HYDIN: variants seen among roughly 807,000 people sequenced by gnomAD.
HYDIN encodes HYDIN axonemal central pair apparatus protein.
A neutral mutation model predicts 403.9 loss-of-function variants in HYDIN; 132 were observed. That is an observed-to-expected ratio of 0.33 (90% CI 0.28 to 0.38). The LOEUF (loss-of-function observed/expected upper bound fraction) is 0.38, where lower values mean the gene tolerates loss of function less well. Among genes scored for constraint, HYDIN ranks in the 10% least tolerant of loss-of-function variants. HYDIN has a pLI of 1.00. For missense variants in HYDIN, 2,827 were observed against 5,009.5 expected (o/e 0.56, Z 13.15); for synonymous variants, 1,202 against 1,891.7 (o/e 0.64, Z 9.46).
intron 18 of HYDIN, among the ~76,000 whole-genome samples, chr16:71,038,754 G>T (rs2081185041): frequency 6.6e-6 from 1 of 152,230 alleles, no homozygotes; most frequent in Non-Finnish European, 1.5e-5. Flanking sequence ...TCCGCCTCCT[G>T]GGTCCAAGCA....
intron 5 of HYDIN, among the ~76,000 whole-genome samples, chr16:71,174,673 T>A (rs564372716): frequency 3.9e-5 from 6 of 152,150 alleles, no homozygotes; most frequent in Admixed American, 1.3e-4. Flanking sequence ...ACCTGCTCCT[T>A]CTCTCCTAGA....
chr16:71,081,633 C>T (rs112693329), intron 12 of HYDIN, among the ~76,000 whole-genome samples: 4 of 149,792 alleles, frequency 2.7e-5, no homozygotes, highest in South Asian at 2.1e-4. Context: ...GACACTTGTT[C>T]AAAGGCACAT....
At chr16:70,887,116 C>CA (rs1303053638) in intron 58 of HYDIN, among the ~76,000 whole-genome samples, 1 of 152,172 alleles carries the variant, frequency 6.6e-6, no homozygotes, top group East Asian at 1.9e-4. Flanking sequence ...AATAGACTTT[C>CA]AAGGGACTCA....
chr16:70,853,124 T>C (rs1440240829), intron 73 of HYDIN, among the ~76,000 whole-genome samples: 3 of 151,810 alleles, frequency 2.0e-5, no homozygotes, highest in Non-Finnish European at 2.9e-5. Flanking sequence ...GGGGTTGCAG[T>C]GAGCCAAGAT....
Position 71,031,538 on chromosome 16 carries a change from G to A in HYDIN, c.2768+141C>T, listed in dbSNP as rs2080911567. On this transcript the variant is annotated intron_variant, in intron 19 of 85. Coordinates refer to ENST00000393567, the MANE Select transcript of HYDIN (RefSeq NM_001270974.2). Reference sequence around the variant, plus strand: ...TTGTTGCTGACATACACATCAGGAGGTGGAAGAGTGAGGATGGGAAAGGAG... The same window carrying A: ...TTGTTGCTGACATACACATCAGGAGATGGAAGAGTGAGGATGGGAAAGGAG... 6 of 1,344,390 alleles carry A rather than the reference G, an allele frequency of 4.5e-6. No individual in the cohort carries two copies. The South Asian group carries it at 9.8e-5, about 22-fold the overall frequency. The allele number at this position is 1,344,390 out of a possible 1,614,324, so 83.3% of individuals were successfully genotyped here. A position where few individuals can be genotyped will look rare whatever the true frequency, so the allele number is the denominator to read the frequency against.
In HYDIN at chr16:70,904,067, GGGGA is replaced by G; in HGVS notation, c.8517-7_8517-4del. On this transcript the variant is annotated splice_region_variant and splice_polypyrimidine_tract_variant and intron_variant, in intron 50 of 85. Coordinates refer to ENST00000393567, the MANE Select transcript of HYDIN (RefSeq NM_001270974.2). ...CTGGGAATAAGGATGACTTGTACCT[GGGGA>G]TGAACAAGAATGGGGTTAACGGTAT... The G allele has an allele frequency of 6.3e-7, 1 of 1,590,968 alleles. No homozygotes were observed. The highest frequency in any genetic ancestry group is 8.5e-7 in the Non-Finnish European group (1 of 1,173,248).
At chr16:70,984,660 T>C (rs1460538902) in intron 28 of HYDIN, among the ~76,000 whole-genome samples, 1 of 142,274 alleles carries the variant, frequency 7.0e-6, no homozygotes, top group South Asian at 2.3e-4. Context: ...TTATGAATAA[T>C]TACACTTTAA....
At chr16:71,133,360 G>T (rs1305558342) in intron 8 of HYDIN, 5 of 434,616 alleles carry the variant, frequency 1.2e-5, no homozygotes, top group Non-Finnish European at 4.6e-6. Flanking sequence ...AAGAACTAGA[G>T]ATCCTCTCCC....
At chr16:70,808,967 C>G (rs1346613847) in intron 85 of HYDIN, among the ~76,000 whole-genome samples, 1 of 152,222 alleles carries the variant, frequency 6.6e-6, no homozygotes, top group Non-Finnish European at 1.5e-5. Context: ...TGTCTGGGTG[C>G]CTGGTGTCAG....
At chr16:71,189,150 C>A (rs993281502) in intron 1 of HYDIN, among the ~76,000 whole-genome samples, 1 of 152,142 alleles carries the variant, frequency 6.6e-6, no homozygotes, top group Non-Finnish European at 1.5e-5. Context: ...TCTGACTCAG[C>A]AATCCCTATT....
At chr16:70,876,012 A>T (rs1435411818) in intron 62 of HYDIN, among the ~76,000 whole-genome samples, 1 of 150,514 alleles carries the variant, frequency 6.6e-6, no homozygotes, top group African/African-American at 2.5e-5. Context: ...AAATATATAT[A>T]AAAAAATTTT....
intron 13 of HYDIN, among the ~76,000 whole-genome samples, chr16:71,069,810 G>C (rs1301401577): frequency 6.6e-6 from 1 of 152,202 alleles, no homozygotes; most frequent in Admixed American, 6.5e-5. Context: ...GCCCTTCCGG[G>C]GAGGCAGCCT....
intron 36 of HYDIN, among the ~76,000 whole-genome samples, chr16:70,965,685 C>T (rs1405441197): frequency 1.3e-5 from 2 of 152,146 alleles, no homozygotes; most frequent in East Asian, 3.9e-4. Flanking sequence ...CTTCAGGATC[C>T]CCATTTTTAG....
chr16:70,970,861 A>C, intron 35 of HYDIN, 102 bp from the exon 36 acceptor site: 1 of 1,130,834 alleles, frequency 8.8e-7, no homozygotes. Context: ...ATTTAGATTA[A>C]GGGAGAAAAC....
intron 39 of HYDIN, among the ~76,000 whole-genome samples, chr16:70,955,896 G>A (rs1231921679): frequency 6.6e-6 from 1 of 152,116 alleles, no homozygotes; most frequent in Non-Finnish European, 1.5e-5. Flanking sequence ...TCAGCTCACC[G>A]TAACCTCTGC....
chr16:71,204,162 TTTTGCAAACATTATTAAACATATTAATAG>T (rs1432938892), intron 1 of HYDIN: 2 of 167,956 alleles, frequency 1.2e-5, no homozygotes, highest in Admixed American at 1.2e-4. Context: ...TGTGAGTTAT[TTTTGCAAACATTATTAAACATATTAATAG>T]TTTGCAAACA....
At chr16:71,058,753 A>G (rs1597669052) in intron 18 of HYDIN, among the ~76,000 whole-genome samples, 1 of 152,212 alleles carries the variant, frequency 6.6e-6, no homozygotes, top group East Asian at 1.9e-4. Context: ...AATACAGTTG[A>G]CCCTTGAACA....
chr16:70,967,434 C>T (rs803965), intron 36 of HYDIN, among the ~76,000 whole-genome samples: 463 of 146,098 alleles, frequency 3.2e-3, no homozygotes, highest in African/African-American at 0.011. Flanking sequence ...CTCAGCCCCT[C>T]GAGTAGCTGG....
intron 2 of HYDIN, 36 bp from the exon 3 acceptor site, chr16:71,185,026 AGTGGATGTACTG>A: frequency 6.7e-7 from 1 of 1,500,662 alleles, no homozygotes; most frequent in Admixed American, 1.9e-5. Context: ...AAGATTCTTA[AGTGGATGTACTG>A]AAAAAGTGTT....
Sources: gnomAD v4.1 joint callset for allele counts (sites outside exome capture counted in the v4.1 genomes callset) on GRCh38, gnomAD v4.1.1 for gene constraint, MANE v1.5 for transcripts, NCBI Gene and HGNC (gene_info 2026-07-23, HGNC 2026-07-21) for gene names.